The following AGPAT5 variants were observed in gnomAD, a reference collection of about 807,000 sequenced individuals.
AGPAT5 encodes 1-acyl-sn-glycerol-3-phosphate acyltransferase epsilon.
AGPAT5 carries 46 observed loss-of-function variants against 45.6 expected under a neutral mutation model. That is an observed-to-expected ratio of 1.01 (90% CI 0.80 to 1.29). The LOEUF is 1.29. Ranked by LOEUF, AGPAT5 falls within the 50% of genes most tolerant of loss-of-function variation. AGPAT5 has a pLI of 0.00. For synonymous variants in AGPAT5, 272 were observed against 167.0 expected (o/e 1.63, Z -4.85); for missense variants, 673 against 450.7 (o/e 1.49, Z -4.47).
rs564134589 is a variant in AGPAT5 at position 6,759,586 on chromosome 8, G to A, written c.*2198G>A. 6.6e-6 allele frequency: 1 copy of A among 152,084 alleles called. No individual in the cohort carries two copies. The highest frequency in any genetic ancestry group is 2.4e-5 in the African/African-American group (1 of 41,478). The allele number at this position is 152,084 out of a possible 1,614,324, so 9.4% of individuals were successfully genotyped here. A position where few individuals can be genotyped will look rare whatever the true frequency, so the allele number is the denominator to read the frequency against. ...TTTTCTTTATAAGAATGCCGTCGAT[G>A]TGCATGCTTTTATGTTTTTCAGAAA... is the stretch of plus-strand genomic sequence containing the variant. On this transcript the variant is annotated 3_prime_UTR_variant, in exon 8 of 8. Coordinates refer to ENST00000285518, the MANE Select transcript of AGPAT5 (RefSeq NM_018361.5).
At position 6,758,403 on chromosome 8, in the gene AGPAT5, T is replaced by G. The variant is rs1333752209; in HGVS notation, c.*1015T>G. 1 of 152,694 alleles carries G rather than the reference T, an allele frequency of 6.5e-6. No individual in the cohort carries two copies. Among genetic ancestry groups the G allele is most frequent in the Non-Finnish European group, 1.5e-5 (1 of 68,044 alleles). 9.5% of individuals were successfully genotyped at this position (152,694 alleles called of 1,614,324 possible). The stretch of plus-strand genomic sequence containing the variant: ...AGTGTGGTGGATTCCCACTGGGCTC[T>G]GGTCCTTCCCTTGGATCCCGTCAGT... On this transcript the variant is annotated 3_prime_UTR_variant, in exon 8 of 8. Transcript: ENST00000285518.
At chr8:6,751,703 T>C (rs1006337798) in intron 6 of AGPAT5, among the ~76,000 whole-genome samples, 2 of 150,496 alleles carry the variant, frequency 1.3e-5, no homozygotes, top group African/African-American at 4.9e-5. Context: ...TGTAGTTTGA[T>C]TACTATTGAT....
intron 1 of AGPAT5, among the ~76,000 whole-genome samples, chr8:6,711,473 A>G (rs1006470040): frequency 7.2e-5 from 11 of 152,210 alleles, no homozygotes; most frequent in Non-Finnish European, 1.6e-4. Context: ...TTCACCATTT[A>G]TTTCTTTAGA....
chr8:6,717,361 A>C (rs958611005), intron 1 of AGPAT5, among the ~76,000 whole-genome samples: 1 of 152,224 alleles, frequency 6.6e-6, no homozygotes, highest in Non-Finnish European at 1.5e-5. Flanking sequence ...TGAGAATTCC[A>C]GGGGCGGAAA....
In AGPAT5 at chr8:6,760,283, A is replaced by G. The variant is rs890497487; in HGVS notation, c.*2895A>G. Among the ~76,000 whole-genome samples, 1 of 152,116 alleles carries G rather than the reference A, an allele frequency of 6.6e-6. No individual in the cohort carries two copies. Among genetic ancestry groups the G allele is most frequent in the Non-Finnish European group, 1.5e-5 (1 of 68,020 alleles). On this transcript the variant is annotated 3_prime_UTR_variant, in exon 8 of 8. Coordinates refer to ENST00000285518, the MANE Select transcript of AGPAT5 (RefSeq NM_018361.5). ...TGGCGTACACTGAGTAGTTTGTCCC[A>G]GCTACTCGGGAGGGTGAGGTGGGAG...
At chr8:6,734,980 A>G (rs529320406) in intron 4 of AGPAT5, among the ~76,000 whole-genome samples, 86 of 152,002 alleles carry the variant, frequency 5.7e-4, no homozygotes, top group Admixed American at 5.6e-3. Context: ...GCCTTTCCCC[A>G]CTATACTTCT....
intron 1 of AGPAT5, among the ~76,000 whole-genome samples, chr8:6,720,078 C>G (rs1198296907): frequency 6.6e-6 from 1 of 152,134 alleles, no homozygotes; most frequent in African/African-American, 2.4e-5. Flanking sequence ...CTAGTTCTAC[C>G]TATGCTGCAT....
intron 1 of AGPAT5, among the ~76,000 whole-genome samples, chr8:6,716,283 A>G (rs1246386989): frequency 6.6e-6 from 1 of 152,142 alleles, no homozygotes; most frequent in Admixed American, 6.6e-5. Flanking sequence ...TAGTCTGGGC[A>G]CGGTGTGGCT....
In AGPAT5 at chr8:6,716,234, G is replaced by T. The variant is rs1363473877; in HGVS notation, c.219+7347G>T. Reference sequence around the variant, plus strand: ...TGGAGATGGCAATAATGGGAAGAATGACTTGATTTTACTTTTTCTTTTAAC... The same window carrying T: ...TGGAGATGGCAATAATGGGAAGAATTACTTGATTTTACTTTTTCTTTTAAC... On this transcript the variant is annotated intron_variant, in intron 1 of 7. Coordinates refer to ENST00000285518, the MANE Select transcript of AGPAT5 (RefSeq NM_018361.5). Among the ~76,000 whole-genome samples, 5 of 152,316 alleles carry T rather than the reference G, an allele frequency of 3.3e-5. 1 individual carries two copies. Among genetic ancestry groups the T allele is most frequent in the African/African-American group, 7.2e-5 (3 of 41,574 alleles).
intron 2 of AGPAT5, among the ~76,000 whole-genome samples, chr8:6,726,895 G>T (rs578179680): frequency 2.0e-5 from 3 of 152,290 alleles, no homozygotes; most frequent in African/African-American, 7.2e-5. Context: ...CTAGGGGAAT[G>T]ATTTTAAATT....
intron 5 of AGPAT5, among the ~76,000 whole-genome samples, chr8:6,744,626 C>A (rs981721079): frequency 6.6e-6 from 1 of 152,178 alleles, no homozygotes; most frequent in African/African-American, 2.4e-5. Context: ...CAGTGCTCTG[C>A]TTTTACCACC....
chr8:6,711,417 C>A (rs1274722016), intron 1 of AGPAT5, among the ~76,000 whole-genome samples: 2 of 152,180 alleles, frequency 1.3e-5, no homozygotes, highest in East Asian at 3.8e-4. Context: ...CCTTTTAGGT[C>A]CTTCCAGAAT....
At chr8:6,724,252 C>G (rs1471614136) in intron 1 of AGPAT5, among the ~76,000 whole-genome samples, 1 of 152,168 alleles carries the variant, frequency 6.6e-6, no homozygotes, top group Non-Finnish European at 1.5e-5. Context: ...TTCTGGTCTC[C>G]TTGCTCCTCA....
intron 4 of AGPAT5, among the ~76,000 whole-genome samples, chr8:6,737,393 T>C (rs143787725): frequency 0.022 from 3,305 of 152,354 alleles, 56 homozygotes; most frequent in Admixed American, 0.031. Context: ...CATGAATCTA[T>C]TCCATGATTG....
At chr8:6,755,642 G>A (rs1469041456) in intron 7 of AGPAT5, among the ~76,000 whole-genome samples, 2 of 152,200 alleles carry the variant, frequency 1.3e-5, no homozygotes, top group Admixed American at 1.3e-4. Context: ...GCAGTTGACA[G>A]CGTTATATCC....
chr8:6,757,098 T>C (rs1423602993), intron 7 of AGPAT5, 65 bp from the exon 8 acceptor site: 2 of 1,242,996 alleles, frequency 1.6e-6, no homozygotes, highest in East Asian at 2.5e-5. Context: ...AGCTACCTGA[T>C]TGATATTTTT....
chr8:6,713,043 G>A (rs1800203988), intron 1 of AGPAT5, among the ~76,000 whole-genome samples: 1 of 152,204 alleles, frequency 6.6e-6, no homozygotes, highest in Non-Finnish European at 1.5e-5. Flanking sequence ...CCCAGGCTCT[G>A]GTGCGGTGGC....
At chr8:6,719,876 G>A (rs966538136) in intron 1 of AGPAT5, among the ~76,000 whole-genome samples, 2 of 152,128 alleles carry the variant, frequency 1.3e-5, no homozygotes, top group Non-Finnish European at 2.9e-5. Flanking sequence ...ATGCAAAGGG[G>A]GATATGATCA....
At chr8:6,732,749 C>T (rs1049277839) in intron 4 of AGPAT5, 99 bp downstream of exon 4, 30 of 1,079,928 alleles carry the variant, frequency 2.8e-5, no homozygotes, top group Admixed American at 6.2e-5. Flanking sequence ...TGTATTTTCC[C>T]ATGTGTAATT....
Sources: allele counts gnomAD v4.1 joint callset (sites outside exome capture counted in the v4.1 genomes callset), GRCh38; gene constraint gnomAD v4.1.1; transcripts MANE v1.5; gene names NCBI Gene and HGNC (gene_info 2026-07-23, HGNC 2026-07-21).